Variants in DENND11 observed in about 807,000 individuals in gnomAD.
DENND11 encodes DENN domain-containing protein 11.
A neutral mutation model predicts 49.2 loss-of-function variants in DENND11; 34 were observed. That is an observed-to-expected ratio of 0.69 (90% CI 0.53 to 0.92). The LOEUF is 0.92. Among genes scored for constraint, DENND11 ranks in the 40% least tolerant of loss-of-function variants. The pLI, the probability that DENND11 is intolerant of heterozygous loss-of-function variation, is 0.00. For missense variants in DENND11, 475 were observed against 581.6 expected (o/e 0.82, Z 1.88); for synonymous variants, 238 against 230.3 (o/e 1.03, Z -0.30).
intron 4 of DENND11, among the ~76,000 whole-genome samples, chr7:141,667,040 C>T (rs533066343): frequency 5.4e-4 from 82 of 152,286 alleles, no homozygotes; most frequent in Non-Finnish European, 1.0e-3. Flanking sequence ...CCTACCTCAG[C>T]CTCCCAAGTA....
chr7:141,701,386 G>T, intron 1 of DENND11, among the ~76,000 whole-genome samples: 1 of 140,954 alleles, frequency 7.1e-6, no homozygotes, highest in East Asian at 2.2e-4. Context: ...GGGACGGGGT[G>T]GGGGGCGAGC....
At position 141,659,454 on chromosome 7, in the gene DENND11, A is replaced by ACAC; in HGVS notation, c.*3201_*3202insGTG. On this transcript the variant is annotated 3_prime_UTR_variant, in exon 9 of 9. Coordinates refer to ENST00000536163, the MANE Select transcript of DENND11 (RefSeq NM_001080392.2). ...GAGTCCTAAGCCAGGGGCCAACTGG[A>ACAC]CATTTTCCCAAAGGCTGGGCAGTAT... is the stretch of plus-strand genomic sequence containing the variant. The ACAC allele has an allele frequency of 6.6e-6, 1 of 152,236 alleles. No individual in the cohort carries two copies. Among genetic ancestry groups the ACAC allele is most frequent in the East Asian group, 1.9e-4 (1 of 5,192 alleles). 9.4% of individuals were successfully genotyped at this position (152,236 alleles called of 1,614,324 possible).
rs146411461 is a variant in DENND11, at chr7:141,690,867, C to T, written c.269-4209G>A. 4.5e-3 allele frequency among the ~76,000 whole-genome samples: 689 copies of T among 152,210 alleles called. 5 individuals carry two copies. Among genetic ancestry groups the T allele is most frequent in the African/African-American group, 0.014 (563 of 41,540 alleles). On this transcript the variant is annotated intron_variant, in intron 1 of 8. Coordinates refer to ENST00000536163, the MANE Select transcript of DENND11 (RefSeq NM_001080392.2). Reference sequence around the variant, plus strand: ...TATGCCACTCTGCATCGTGAATCTCCGTGAGATCAATACAGTGCTTAATGT... The same window carrying T: ...TATGCCACTCTGCATCGTGAATCTCTGTGAGATCAATACAGTGCTTAATGT...
Position 141,678,111 on chromosome 7 carries a change from A to G in DENND11, c.528-3891T>C, listed in dbSNP as rs367875846. Among the ~76,000 whole-genome samples the G allele has an allele frequency of 4.0e-3, 610 of 152,084 alleles. 4 individuals are homozygous for G. The highest frequency in any genetic ancestry group is 0.014 in the African/African-American group (565 of 41,482). Reference sequence around the variant, plus strand: ...CGAGTAGCTGGGACTACAGGTGCACACTGCCACGCCCAGCTAAGTTTTTGT... The same window carrying G: ...CGAGTAGCTGGGACTACAGGTGCACGCTGCCACGCCCAGCTAAGTTTTTGT... On this transcript the variant is annotated intron_variant, in intron 3 of 8. Transcript: ENST00000536163.
At chr7:141,689,420 G>A (rs1798291637) in intron 1 of DENND11, among the ~76,000 whole-genome samples, 1 of 152,172 alleles carries the variant, frequency 6.6e-6, no homozygotes, top group Admixed American at 6.5e-5. Context: ...CATGGACACA[G>A]GGAAGGGAAC....
intron 4 of DENND11, among the ~76,000 whole-genome samples, chr7:141,668,778 ACTTCTCACCC>A (rs1432108629): frequency 6.6e-6 from 1 of 151,928 alleles, no homozygotes; most frequent in Non-Finnish European, 1.5e-5. Flanking sequence ...AGCTCTAGAG[ACTTCTCACCC>A]CTTCTCACCT....
intron 1 of DENND11, among the ~76,000 whole-genome samples, chr7:141,698,358 G>GA (rs1344378980): frequency 1.3e-5 from 2 of 152,178 alleles, no homozygotes; most frequent in Non-Finnish European, 2.9e-5. Context: ...TGAACAAAAT[G>GA]AAACAGCAAT....
intron 4 of DENND11, among the ~76,000 whole-genome samples, chr7:141,672,951 A>G (rs553394030): frequency 2.0e-5 from 3 of 152,290 alleles, no homozygotes; most frequent in Admixed American, 1.3e-4. Context: ...AGGGTCTACT[A>G]TTTAAAGCTC....
At chr7:141,681,175 C>T (rs565381638) in intron 3 of DENND11, among the ~76,000 whole-genome samples, 1 of 152,154 alleles carries the variant, frequency 6.6e-6, no homozygotes, top group African/African-American at 2.4e-5. Context: ...TTATGGGAAG[C>T]AGTTGGCAGT....
In DENND11 at chr7:141,662,624, C is replaced by T. The variant is rs144007278; in HGVS notation, c.*32G>A. The T allele has an allele frequency of 2.4e-5, 36 of 1,498,246 alleles. No individual in the cohort carries two copies. In the East Asian group the frequency reaches 3.1e-4, roughly 13 times the overall value. The allele number at this position is 1,498,246 out of a possible 1,614,324, so 92.8% of individuals were successfully genotyped here. On this transcript the variant is annotated 3_prime_UTR_variant, in exon 9 of 9. Transcript: ENST00000536163. ...TGAACTCCGGGCTGCTGACATCCCA[C>T]GTGAAGTGGCTCCCAGTCCTGTTGG...
intron 1 of DENND11, among the ~76,000 whole-genome samples, chr7:141,695,838 C>T (rs1232704522): frequency 6.6e-6 from 1 of 152,214 alleles, no homozygotes; most frequent in East Asian, 1.9e-4. Context: ...CAGGTACTTA[C>T]AGGCACTTCC....
intron 4 of DENND11, among the ~76,000 whole-genome samples, chr7:141,669,178 GTTTA>G (rs927814494): frequency 1.3e-5 from 2 of 150,052 alleles, no homozygotes; most frequent in Non-Finnish European, 3.0e-5. Flanking sequence ...TTCCTTTCCA[GTTTA>G]TTTTTTTCCC....
rs142418232 is a variant in DENND11 at position 141,684,364 on chromosome 7, T to A, written c.527+1114A>T. On this transcript the variant is annotated intron_variant, in intron 3 of 8. Coordinates refer to ENST00000536163, the MANE Select transcript of DENND11 (RefSeq NM_001080392.2). The stretch of plus-strand genomic sequence containing the variant: ...AGTATATCTTACTGTGAAAAAACAT[T>A]TACTTGAAGTTATAAGTCAAATTAT... 9.5e-3 allele frequency among the ~76,000 whole-genome samples: 1,447 copies of A among 152,324 alleles called. 13 individuals carry two copies. The highest frequency in any genetic ancestry group is 0.015 in the Non-Finnish European group (1,009 of 68,028).
rs1797768879 is a variant in DENND11, at chr7:141,660,286, G to A, written c.*2370C>T. 1 of 152,196 alleles carries A rather than the reference G, an allele frequency of 6.6e-6. No individual in the cohort carries two copies. Among genetic ancestry groups the A allele is most frequent in the Non-Finnish European group, 1.5e-5 (1 of 68,062 alleles). The allele number at this position is 152,196 out of a possible 1,614,324, so 9.4% of individuals were successfully genotyped here. A position where few individuals can be genotyped will look rare whatever the true frequency, so the allele number is the denominator to read the frequency against. ...TTAAAGGGAGAAGTTCTGCATTGGG[G>A]TCAGCTGAGCCCAAGGCCCCTATGA... is the stretch of plus-strand genomic sequence containing the variant. On this transcript the variant is annotated 3_prime_UTR_variant, in exon 9 of 9. Coordinates refer to ENST00000536163, the MANE Select transcript of DENND11 (RefSeq NM_001080392.2).
At chr7:141,681,866 A>G (rs1230549218) in intron 3 of DENND11, among the ~76,000 whole-genome samples, 1 of 152,194 alleles carries the variant, frequency 6.6e-6, no homozygotes, top group Non-Finnish European at 1.5e-5. Flanking sequence ...AAATGAAGAA[A>G]GAATCTTCTA....
Position 141,674,057 on chromosome 7 carries a change from C to T in DENND11, c.681+10G>A. ...CCAGTATAGTGTAAGAAAAGCAGGG[C>T]TAACCTCACCTTCATCTCAGGGTAC... On this transcript the variant is annotated intron_variant, in intron 4 of 8. Transcript: ENST00000536163. 1.9e-6 allele frequency: 3 copies of T among 1,603,596 alleles called. 1 individual carries two copies. The South Asian group carries it at 3.4e-5, about 18-fold the overall frequency.
intron 1 of DENND11, among the ~76,000 whole-genome samples, chr7:141,699,557 A>AC (rs1798472337): frequency 6.6e-6 from 1 of 151,808 alleles, no homozygotes; most frequent in East Asian, 1.9e-4. Context: ...AAAAAAACAC[A>AC]AAAAAAACAC....
At chr7:141,694,260 T>C (rs1215971525) in intron 1 of DENND11, among the ~76,000 whole-genome samples, 1 of 152,174 alleles carries the variant, frequency 6.6e-6, no homozygotes, top group Non-Finnish European at 1.5e-5. Flanking sequence ...AGGAGATTTA[T>C]ACTGAAGTAT....
intron 1 of DENND11, among the ~76,000 whole-genome samples, chr7:141,700,097 T>C (rs1267024659): frequency 3.3e-5 from 5 of 152,152 alleles, no homozygotes; most frequent in African/African-American, 7.2e-5. Flanking sequence ...ACCCTATCTG[T>C]CTGTAATTAG....
Sources: gnomAD v4.1 joint callset for allele counts (sites outside exome capture counted in the v4.1 genomes callset) on GRCh38, gnomAD v4.1.1 for gene constraint, MANE v1.5 for transcripts, NCBI Gene and HGNC (gene_info 2026-07-23, HGNC 2026-07-21) for gene names.